The following C3 variants were observed in gnomAD, a reference collection of about 807,000 sequenced individuals.
C3 encodes C3 and PZP-like alpha-2-macroglobulin domain-containing protein 1.
Under a neutral mutation model 207.9 loss-of-function variants are expected in C3, and 97 were observed. That is an observed-to-expected ratio of 0.47 (90% confidence interval 0.40 to 0.55). The LOEUF (loss-of-function observed/expected upper bound fraction) is 0.55. Ranked by LOEUF, C3 falls within the 20% of genes least tolerant of loss-of-function variation. C3 has a pLI of 0.00. For missense variants in C3, 1,684 were observed against 2,171.7 expected, an observed-to-expected ratio of 0.78 and a Z score of 4.46; for synonymous variants, 848 against 857.6, an observed-to-expected ratio of 0.99 and a Z score of 0.20.
intron 23 of C3, among the ~76,000 whole-genome samples, chr19:6,696,172 T>C (rs1346874133): frequency 1.4e-5 from 2 of 138,228 alleles, no homozygotes; most frequent in Non-Finnish European, 3.0e-5. Context: ...GTCGCGCCAC[T>C]GCACTCCAGC....
In C3 at chr19:6,693,625, A is replaced by G. The variant is rs400443; in HGVS notation, c.3155-138T>C. 103,162 of 740,902 alleles carry G rather than the reference A, an allele frequency of 0.14. 8,481 individuals are homozygous for G. The highest frequency in any genetic ancestry group is 0.29 in the African/African-American group (16,885 of 57,316). The allele number at this position is 740,902 out of a possible 1,614,324, so 45.9% of individuals were successfully genotyped here. ...GGTTCTGGGAGGAGGGGACCTTAAA[A>G]AGGGAAGGACTCAAAGAGGGTGGGG... On this transcript the variant is annotated intron_variant, in intron 24 of 40. Coordinates refer to ENST00000245907, the MANE Select transcript of C3 (RefSeq NM_000064.4).
chr19:6,697,823 G>T, intron 19 of C3, 29 bp from the exon 20 acceptor site: 1 of 1,603,644 alleles, frequency 6.2e-7, no homozygotes, highest in Non-Finnish European at 8.5e-7. Flanking sequence ...AACACGGAGT[G>T]TCAAGGTCGG....
intron 21 of C3, among the ~76,000 whole-genome samples, chr19:6,697,053 C>CAAAAAAAAAAAA (rs1967552583): frequency 8.8e-6 from 1 of 114,136 alleles, no homozygotes. Context: ...AAAAAATAAA[C>CAAAAAAAAAAAA]AAACAAATAA....
rs1917744900 is a variant in C3 at position 6,677,782 on chromosome 19, T to A, written c.*100A>T. 6.9e-7 allele frequency: 1 copy of A among 1,447,050 alleles called. No individual in the cohort carries two copies. Among genetic ancestry groups the A allele is most frequent in the South Asian group, 1.2e-5 (1 of 85,880 alleles). The allele number at this position is 1,447,050 out of a possible 1,614,324, so 89.6% of individuals were successfully genotyped here. On this transcript the variant is annotated 3_prime_UTR_variant, in exon 41 of 41. Transcript: ENST00000245907. ...AAGTAGGATGGAGCTGAGCTGCAGG[T>A]GAGGCGGCTGGGGATTTCAGCCTCT...
Position 6,693,021 on chromosome 19 carries a change from T to C in C3, c.3293A>G (p.Gln1098Arg), listed in dbSNP as rs2145406705. 3 of 1,614,048 alleles carry C rather than the reference T, an allele frequency of 1.9e-6. No individual in the cohort carries two copies. Among genetic ancestry groups the C allele is most frequent in the Non-Finnish European group, 2.5e-6 (3 of 1,179,990 alleles). ...LAVNLIAIDS[Q>R]VLCGAVKWLI... ...CCATTTAACAGCCCCGCAGAGGACT[T>C]GGGAGTCGATGGCGATGAGGTTGAC... is the stretch of plus-strand genomic sequence containing the variant. The change falls in exon 26 of 41, where the codon CAA becomes CGA. Residue 1098 changes from glutamine to arginine, a missense_variant. Coordinates refer to ENST00000245907, the MANE Select transcript of C3 (RefSeq NM_000064.4).
rs1445216077 is a variant in C3, at chr19:6,712,737, C to G, written c.1004-114G>C. On this transcript the variant is annotated intron_variant, in intron 9 of 40. Transcript: ENST00000245907. ...ACCTCCTCCCTCAGAGTAGAGTCCA[C>G]TTTCATACTGGGCCTGTGCCCCCCA... 1.1e-5 allele frequency: 10 copies of G among 879,140 alleles called. No individual in the cohort carries two copies. The East Asian group carries it at 2.4e-4, about 21-fold the overall frequency. 54.5% of individuals were successfully genotyped at this position (879,140 alleles called of 1,614,324 possible). A position where few individuals can be genotyped will look rare whatever the true frequency, so the allele number is the denominator to read the frequency against.
intron 14 of C3, among the ~76,000 whole-genome samples, chr19:6,708,146 C>G (rs536987609): frequency 5.0e-4 from 75 of 151,438 alleles, no homozygotes; most frequent in African/African-American, 1.8e-3. Context: ...CTCTCTCTTT[C>G]TTTCTTTCGA....
At chr19:6,694,166 T>A (rs1441657711) in intron 24 of C3, among the ~76,000 whole-genome samples, 2 of 94,674 alleles carry the variant, frequency 2.1e-5, no homozygotes, top group Non-Finnish European at 4.4e-5. Flanking sequence ...TCAGAGGGCG[T>A]GGCCTTGAGA....
intron 17 of C3, among the ~76,000 whole-genome samples, chr19:6,706,794 T>G (rs1436462946): frequency 2.5e-5 from 3 of 119,816 alleles, no homozygotes; most frequent in East Asian, 2.6e-4. Flanking sequence ...AGAGGCCTCC[T>G]CCCTCCTCAG....
chr19:6,707,322 C>A, intron 16 of C3, 49 bp from the exon 17 acceptor site: 1 of 1,602,596 alleles, frequency 6.2e-7, no homozygotes, highest in Non-Finnish European at 8.5e-7. Flanking sequence ...CGGGGGCCGG[C>A]AGCAGGAGGG....
At chr19:6,682,323 C>T in intron 33 of C3, 94 bp from the exon 34 acceptor site, 1 of 880,750 alleles carries the variant, frequency 1.1e-6, no homozygotes, top group Non-Finnish European at 1.9e-6. Context: ...GGCACTGAGA[C>T]TTCTGATTCC....
At chr19:6,689,309 CTCTCTCTCTCTCTA>C (rs1486241254) in intron 27 of C3, among the ~76,000 whole-genome samples, 37 of 134,696 alleles carry the variant, frequency 2.7e-4, no homozygotes, top group African/African-American at 1.0e-3. Context: ...CTCTCTCTCT[CTCTCTCTCTCTCTA>C]CCTACCTCCC....
At chr19:6,714,776 C>T (rs1599526155) in intron 4 of C3, among the ~76,000 whole-genome samples, 1 of 152,106 alleles carries the variant, frequency 6.6e-6, no homozygotes, top group East Asian at 1.9e-4. Flanking sequence ...GCGGGAGAAT[C>T]GCTTGAACCC....
In C3 at chr19:6,702,599, G is replaced by A. The variant is rs1184860424; in HGVS notation, c.2246-20C>T. On this transcript the variant is annotated intron_variant, in intron 17 of 40. Coordinates refer to ENST00000245907, the MANE Select transcript of C3 (RefSeq NM_000064.4). The stretch of plus-strand genomic sequence containing the variant: ...GGTTACCTGCAGGGGGTTTAGATCT[G>A]CATTTAGAACAGAGCAGGCCAGTTG... 1.3e-6 allele frequency: 2 copies of A among 1,541,800 alleles called. No individual in the cohort carries two copies. The highest frequency in any genetic ancestry group is 4.5e-5 in the East Asian group (2 of 44,528).
At position 6,714,207 on chromosome 19, in the gene C3, G is replaced by A. The variant is rs1312372377; in HGVS notation, c.641C>T (p.Pro214Leu). ...AAACTCAGTGGAGAAGACCTGCTGT[G>A]GTGAGTTTTCATAGTAGGCTCGGAT... ...WKIRAYYENS[P>L]QQVFSTEFEV... The change falls in exon 6 of 41, where the codon CCA (proline) becomes CTA (leucine). Residue 214 changes from proline (P) to leucine (L), a missense_variant. Pro to Leu is a moderately conservative substitution (Grantham distance 98). Around this residue, in one of 3 missense-constraint regions of C3, gnomAD observed 1,280 missense variants for 1,739.1 expected, o/e 0.74. Coordinates refer to ENST00000245907, the MANE Select transcript of C3 (RefSeq NM_000064.4). 1 of 1,613,712 alleles carries A rather than the reference G, an allele frequency of 6.2e-7. No individual in the cohort carries two copies. The highest frequency in any genetic ancestry group is 1.3e-5 in the African/African-American group (1 of 74,910).
Position 6,694,423 on chromosome 19 carries a change from G to C in C3, c.3154+8C>G. 1 of 1,613,428 alleles carries C rather than the reference G, an allele frequency of 6.2e-7. No homozygotes were observed. Among genetic ancestry groups the C allele is most frequent in the South Asian group, 1.1e-5 (1 of 91,074 alleles). On this transcript the variant is annotated splice_region_variant and intron_variant, in intron 24 of 40. Coordinates refer to ENST00000245907, the MANE Select transcript of C3 (RefSeq NM_000064.4). ...CCCTGGGGTCTCCAAGAGGGGCAGGGAGCCCACCCTTCTTGATGAGCTCCA... is the reference window on the plus strand; with the variant it reads ...CCCTGGGGTCTCCAAGAGGGGCAGGCAGCCCACCCTTCTTGATGAGCTCCA...
At chr19:6,710,557 G>A (rs1286609255) in intron 13 of C3, 82 bp downstream of exon 13, 1 of 1,038,902 alleles carries the variant, frequency 9.6e-7, no homozygotes, top group Non-Finnish European at 1.4e-6. Context: ...GGGAGAGAGA[G>A]AGAGAGAGGA....
intron 9 of C3, among the ~76,000 whole-genome samples, chr19:6,712,857 C>T (rs895433089): frequency 6.6e-6 from 1 of 151,986 alleles, no homozygotes; most frequent in African/African-American, 2.4e-5. Flanking sequence ...GACCGGACCC[C>T]ACCTTTATAC....
intron 18 of C3, 129 bp downstream of exon 18, chr19:6,702,342 A>T: frequency 1.0e-6 from 1 of 955,068 alleles, no homozygotes; most frequent in Non-Finnish European, 1.7e-6. Flanking sequence ...AGGTCACCCA[A>T]TTCCTGATTT....
Sources: gnomAD v4.1 joint callset for allele counts (sites outside exome capture counted in the v4.1 genomes callset) on GRCh38, gnomAD v4.1.1 for gene constraint, gnomAD v4.1.1 regional missense constraint, MANE v1.5 for transcripts, NCBI Gene and HGNC (gene_info 2026-07-23, HGNC 2026-07-21) for gene names.